IL17RA: variants seen among roughly 807,000 people sequenced by gnomAD.
The protein encoded by IL17RA is interleukin 17 receptor A.
A neutral mutation model predicts 50.4 loss-of-function variants in IL17RA; 34 were observed. The ratio of observed to expected loss-of-function variants is 0.67; its 90% CI spans 0.51 to 0.90. IL17RA has a LOEUF of 0.90. IL17RA is among the 40% of genes least tolerant of loss of function. The pLI, the probability that IL17RA is intolerant of heterozygous loss-of-function variation, is 0.00. For synonymous variants in IL17RA, 585 were observed against 510.4 expected (o/e 1.15, Z -1.97); for missense variants, 1,276 against 1,169.8 (o/e 1.09, Z -1.32).
At chr22:17,107,022 C>T (rs1324238544) in intron 11 of IL17RA, among the ~76,000 whole-genome samples, 10 of 152,104 alleles carry the variant, frequency 6.6e-5, no homozygotes, top group Admixed American at 6.5e-5. Context: ...GGTTCTAAGT[C>T]GTTTGCTCAG....
At chr22:17,096,869 CAAA>C (rs5844287) in intron 1 of IL17RA, among the ~76,000 whole-genome samples, 190 bp from the exon 2 acceptor site, 21 of 116,038 alleles carry the variant, frequency 1.8e-4, no homozygotes, top group Non-Finnish European at 1.2e-4. Context: ...GACTCCATCT[CAAA>C]AAAAAAAAAA....
chr22:17,097,127 A>T (rs776363355), intron 2 of IL17RA, 41 bp downstream of exon 2: 2 of 1,592,288 alleles, frequency 1.3e-6, no homozygotes, highest in East Asian at 4.5e-5. Context: ...TTGCCTTCTT[A>T]ATCAAGTGAG....
chr22:17,101,154 T>A (rs1013323), intron 5 of IL17RA, among the ~76,000 whole-genome samples: 125,067 of 152,198 alleles, frequency 0.82, 51,666 homozygotes, highest in African/African-American at 0.92. Context: ...CCTGGGCTCA[T>A]GCGATTCTCC....
At chr22:17,089,135 G>A (rs2061338974) in intron 1 of IL17RA, among the ~76,000 whole-genome samples, 1 of 151,666 alleles carries the variant, frequency 6.6e-6, no homozygotes, top group Non-Finnish European at 1.5e-5. Context: ...GTTTCACCAG[G>A]TTGGCCAGAC....
intron 1 of IL17RA, among the ~76,000 whole-genome samples, chr22:17,095,925 T>A (rs997557147): frequency 1.3e-5 from 2 of 152,166 alleles, no homozygotes; most frequent in African/African-American, 4.8e-5. Flanking sequence ...ACTCTGTAAA[T>A]GAACCCTGGT....
intron 11 of IL17RA, among the ~76,000 whole-genome samples, chr22:17,107,000 G>C (rs2061417610): frequency 1.3e-5 from 2 of 152,178 alleles, no homozygotes; most frequent in South Asian, 4.1e-4. Flanking sequence ...AAAGGGTTAG[G>C]ATTGAGATTA....
chr22:17,102,103 C>T (rs913348507), intron 6 of IL17RA, 36 bp from the exon 7 acceptor site: 3 of 1,614,148 alleles, frequency 1.9e-6, no homozygotes, highest in Non-Finnish European at 2.5e-6. Flanking sequence ...GTGCGTGCCC[C>T]TCCTCACTCC....
intron 8 of IL17RA, among the ~76,000 whole-genome samples, chr22:17,104,394 G>T (rs1037114787): frequency 6.0e-5 from 9 of 150,746 alleles, no homozygotes. Context: ...CACAGGTGGA[G>T]AGTGTGGTGT....
chr22:17,088,029 C>T (rs551073234), intron 1 of IL17RA, among the ~76,000 whole-genome samples: 8 of 152,298 alleles, frequency 5.3e-5, no homozygotes, highest in Middle Eastern at 3.4e-3. Flanking sequence ...GGCACTGTGC[C>T]GGTGGCTCAC....
intron 1 of IL17RA, among the ~76,000 whole-genome samples, chr22:17,088,549 G>A (rs7510851): frequency 0.46 from 70,571 of 151,922 alleles, 19,127 homozygotes; most frequent in Middle Eastern, 0.72. Flanking sequence ...GCAGTGGCAT[G>A]ATCTCGGCTC....
In IL17RA at chr22:17,105,872, G is replaced by A; in HGVS notation, c.963G>A (p.Val321=). 1 of 1,614,046 alleles carries A rather than the reference G, an allele frequency of 6.2e-7. No homozygotes were observed. Among genetic ancestry groups the A allele is most frequent in the Non-Finnish European group, 8.5e-7 (1 of 1,179,970 alleles). ...CCGCAGACTACATGCCCCTGTGGGT[G>A]TACTGGTTCATCACGGGCATCTCCA... ...EPIPDYMPLW[V]YWFITGISIL... The change falls in exon 11 of 13, where the codon GTG becomes GTA. Residue 321 remains valine (V), a synonymous_variant. Transcript: ENST00000319363.
At chr22:17,092,991 C>G (rs2061353192) in intron 1 of IL17RA, among the ~76,000 whole-genome samples, 1 of 152,080 alleles carries the variant, frequency 6.6e-6, no homozygotes, top group Admixed American at 6.5e-5. Context: ...TGTCCTGCCC[C>G]TGTCTTACAG....
chr22:17,109,863 GGAGTGT>G lies in IL17RA; in HGVS notation c.*45_*50del. On this transcript the variant is annotated 3_prime_UTR_variant, in exon 13 of 13. Coordinates refer to ENST00000319363, the MANE Select transcript of IL17RA (RefSeq NM_014339.7). ...CCGCCCAGATCCCAGCTTTGAGAGA[GGAGTGT>G]GTGTGCACGTATTCATCTGTGTGTA... The G allele has an allele frequency of 6.6e-7, 1 of 1,517,956 alleles. No individual in the cohort carries two copies. Among genetic ancestry groups the G allele is most frequent in the Non-Finnish European group, 8.9e-7 (1 of 1,122,970 alleles). The allele number at this position is 1,517,956 out of a possible 1,614,324, so 94.0% of individuals were successfully genotyped here. A position where few individuals can be genotyped will look rare whatever the true frequency, so the allele number is the denominator to read the frequency against.
In IL17RA at chr22:17,108,701, C is replaced by T; in HGVS notation, c.1482C>T (p.Ala494=). Residue 494 remains alanine (A), a synonymous_variant, in exon 13 of 13, where the codon GCC becomes GCT. Coordinates refer to ENST00000319363, the MANE Select transcript of IL17RA (RefSeq NM_014339.7). The stretch of plus-strand genomic sequence containing the variant: ...TCCTCCCGGACTTCAAGAGGCCAGC[C>T]TGCTTCGGCACCTACGTAGTCTGCT... ...NMILPDFKRP[A]CFGTYVVCYF... 1 of 1,610,024 alleles carries T rather than the reference C, an allele frequency of 6.2e-7. No individual in the cohort carries two copies. The highest frequency in any genetic ancestry group is 1.1e-5 in the South Asian group (1 of 91,080).
intron 1 of IL17RA, among the ~76,000 whole-genome samples, chr22:17,096,432 C>T (rs1025804375): frequency 6.6e-6 from 1 of 152,152 alleles, no homozygotes; most frequent in African/African-American, 2.4e-5. Context: ...CCCTTCACCC[C>T]TTCCGCACCT....
chr22:17,095,744 G>A (rs1297305105), intron 1 of IL17RA, among the ~76,000 whole-genome samples: 1 of 150,502 alleles, frequency 6.6e-6, no homozygotes, highest in Non-Finnish European at 1.5e-5. Context: ...GAACATGTGC[G>A]GAGCCCCCTA....
Position 17,094,344 on chromosome 22 carries a change from A to T in IL17RA, c.139-2718A>T, listed in dbSNP as rs114621097. On this transcript the variant is annotated intron_variant, in intron 1 of 12. Transcript: ENST00000319363. ...GGCCAAGTTGGAAAGGACTTTTAAA[A>T]TTTTGTTCACATCTTTTGTCCACTG... Among the ~76,000 whole-genome samples, 965 of 151,934 alleles carry T rather than the reference A, an allele frequency of 6.4e-3. 9 individuals are homozygous for T. The highest frequency in any genetic ancestry group is 0.022 in the African/African-American group (925 of 41,446).
intron 1 of IL17RA, among the ~76,000 whole-genome samples, chr22:17,089,604 G>A (rs1310789525): frequency 6.6e-6 from 1 of 152,136 alleles, no homozygotes; most frequent in East Asian, 1.9e-4. Context: ...ATGGGCAGTG[G>A]CCCCACGCCT....
At chr22:17,097,972 G>A (rs752858129) in intron 3 of IL17RA, 29 bp downstream of exon 3, 8 of 1,613,078 alleles carry the variant, frequency 5.0e-6, no homozygotes, top group Middle Eastern at 1.6e-4. Flanking sequence ...AGGGCCCTGG[G>A]GGATTCTCCC....
Sources: gnomAD v4.1 joint callset for allele counts (sites outside exome capture counted in the v4.1 genomes callset) on GRCh38, gnomAD v4.1.1 for gene constraint, MANE v1.5 for transcripts, NCBI Gene and HGNC (gene_info 2026-07-23, HGNC 2026-07-21) for gene names.